The following INPP5D variants were observed in gnomAD, a reference collection of about 807,000 sequenced individuals.
INPP5D encodes the protein inositol polyphosphate-5-phosphatase D, also known as phosphatidylinositol 3,4,5-trisphosphate 5-phosphatase 1.
In INPP5D, 33 loss-of-function variants were observed where a neutral mutation model predicts 122.9. That is an observed-to-expected ratio of 0.27 (90% confidence interval 0.20 to 0.36). INPP5D has a LOEUF of 0.36. INPP5D is among the 10% of genes least tolerant of loss of function. The pLI, the probability that INPP5D is intolerant of heterozygous loss-of-function variation, is 1.00. For synonymous variants in INPP5D, 584 were observed against 576.2 expected (o/e 1.01, Z -0.19); for missense variants, 1,053 against 1,412.7 (o/e 0.75, Z 4.08).
chr2:233,085,041 A>C (rs754026799), intron 2 of INPP5D, among the ~76,000 whole-genome samples: 5 of 152,170 alleles, frequency 3.3e-5, no homozygotes, highest in Non-Finnish European at 7.4e-5. Flanking sequence ...AATTCTTGGA[A>C]CCAACTGTTC....
intron 25 of INPP5D, among the ~76,000 whole-genome samples, chr2:233,200,577 C>A (rs903790583): frequency 3.9e-5 from 6 of 152,254 alleles, no homozygotes; most frequent in Non-Finnish European, 8.8e-5. Flanking sequence ...TCCAGTTCCA[C>A]CCTTCCCAGG....
At chr2:233,185,721 A>T in intron 20 of INPP5D, 122 bp from the exon 21 acceptor site, 1 of 1,156,374 alleles carries the variant, frequency 8.6e-7, no homozygotes. Context: ...AGATAAAAAA[A>T]AAAAAAAAAA....
chr2:233,153,255 C>T (rs917505897), intron 9 of INPP5D, among the ~76,000 whole-genome samples: 1 of 152,182 alleles, frequency 6.6e-6, no homozygotes, highest in African/African-American at 2.4e-5. Flanking sequence ...GGAGACATGG[C>T]CTGATCGTAG....
rs1169275656 is a variant in INPP5D, at chr2:233,128,761, AC to A, written c.525-1744del. ...CCAAAGTGCTGGGATTATAGGCGTG[AC>A]CCACCATGCCTGGCAATTCCTGTCC... On this transcript the variant is annotated intron_variant, in intron 4 of 26. Transcript: ENST00000445964. The surrounding 1 kb of genome is among the most constrained non-coding windows in gnomAD (Gnocchi z 4.5). Among the ~76,000 whole-genome samples the A allele has an allele frequency of 2.6e-5, 4 of 152,286 alleles. No homozygotes were observed. The highest frequency in any genetic ancestry group is 5.9e-5 in the Non-Finnish European group (4 of 68,040).
chr2:233,133,436 A>T (rs10933435), intron 5 of INPP5D, among the ~76,000 whole-genome samples: 10 of 151,862 alleles, frequency 6.6e-5, no homozygotes, highest in African/African-American at 2.2e-4. Context: ...CTCAAGGAAC[A>T]GGAAGTCTGT....
chr2:233,140,094 T>A, intron 6 of INPP5D, 165 bp downstream of exon 6: 1 of 385,648 alleles, frequency 2.6e-6, no homozygotes, highest in Non-Finnish European at 4.6e-6. Flanking sequence ...CCTCAGCCCC[T>A]GCCCTTTCCA....
chr2:233,133,683 G>T (rs1693392116), intron 5 of INPP5D, among the ~76,000 whole-genome samples: 2 of 152,166 alleles, frequency 1.3e-5, no homozygotes, highest in African/African-American at 4.8e-5. Context: ...GTCACTGTAG[G>T]CAGGAGCCAC....
chr2:233,192,333 C>T (rs1695078017), intron 22 of INPP5D, among the ~76,000 whole-genome samples: 1 of 152,186 alleles, frequency 6.6e-6, no homozygotes, highest in Non-Finnish European at 1.5e-5. Flanking sequence ...TTTGTTTCTT[C>T]CGCTTCATAT....
chr2:233,095,417 C>T (rs928733155), intron 2 of INPP5D, among the ~76,000 whole-genome samples: 5 of 152,024 alleles, frequency 3.3e-5, no homozygotes, highest in Non-Finnish European at 5.9e-5. Context: ...CTCAGGAGTT[C>T]GAGACCAGCC....
At position 233,122,121 on chromosome 2, in the gene INPP5D, C is replaced by A. The variant is rs376938749; in HGVS notation, c.213C>A (p.Val71=). Residue 71 remains valine, a synonymous_variant, in exon 3 of 27, where the codon GTC becomes GTA. Transcript: ENST00000445964. The stretch of plus-strand genomic sequence containing the variant: ...TCTGTCCTCAGGCATCCGAAGGCGT[C>A]TCCATGAGGTTCTTCACCAAGCTGG... ...DKFTVQASEG[V]SMRFFTKLDQ... 45 of 1,613,940 alleles carry A rather than the reference C, an allele frequency of 2.8e-5. No individual in the cohort carries two copies. The African/African-American group carries it at 5.6e-4, about 20-fold the overall frequency.
At chr2:233,111,655 G>C (rs1692633625) in intron 2 of INPP5D, among the ~76,000 whole-genome samples, 3 of 152,252 alleles carry the variant, frequency 2.0e-5, no homozygotes, top group Admixed American at 2.0e-4. Flanking sequence ...ACCCATCTCA[G>C]GGGGTACAAT....
chr2:233,137,295 G>A (rs540186930), intron 5 of INPP5D, among the ~76,000 whole-genome samples: 17 of 151,012 alleles, frequency 1.1e-4, no homozygotes, highest in African/African-American at 4.1e-4. Context: ...AAAGATAAAC[G>A]GAAACCATTT....
chr2:233,167,959 C>T (rs1392851210), intron 13 of INPP5D, among the ~76,000 whole-genome samples: 2 of 131,584 alleles, frequency 1.5e-5, no homozygotes, highest in Admixed American at 8.9e-5. Flanking sequence ...AAGCAGAGAT[C>T]GCGCCACTGC....
chr2:233,165,148 A>G (rs1694295121), intron 13 of INPP5D, among the ~76,000 whole-genome samples: 1 of 151,858 alleles, frequency 6.6e-6, no homozygotes, highest in Admixed American at 6.6e-5. Context: ...CGTGCATGTG[A>G]GTGTGTGAGC....
intron 4 of INPP5D, among the ~76,000 whole-genome samples, chr2:233,127,285 T>C (rs1349349495): frequency 1.3e-5 from 2 of 152,168 alleles, no homozygotes; most frequent in African/African-American, 2.4e-5. Context: ...CTAAAACTTC[T>C]GTTCGGAGAT....
intron 2 of INPP5D, among the ~76,000 whole-genome samples, chr2:233,106,534 G>A (rs891150956): frequency 2.6e-5 from 4 of 152,334 alleles, no homozygotes; most frequent in East Asian, 1.9e-4. Context: ...GATTCATCAC[G>A]CTCTAGTGCA....
chr2:233,174,218 A>C (rs1048891923), intron 17 of INPP5D, among the ~76,000 whole-genome samples: 12 of 152,266 alleles, frequency 7.9e-5, no homozygotes, highest in African/African-American at 2.7e-4. Flanking sequence ...TATCATTATC[A>C]AATATTATGT....
In INPP5D at chr2:233,204,833, C is replaced by T. The variant is rs374411309; in HGVS notation, c.3567+116C>T. ...GTGTGTGTGCACGCATGCATATGTG[C>T]GTGCATGTGTGAACGCATGCATGTG... On this transcript the variant is annotated intron_variant, in intron 26 of 26. Coordinates refer to ENST00000445964, the MANE Select transcript of INPP5D (RefSeq NM_001017915.3). The T allele has an allele frequency of 2.1e-3, 2,674 of 1,278,920 alleles. 1 individual carries two copies. Among genetic ancestry groups the T allele is most frequent in the Non-Finnish European group, 2.5e-3 (2,447 of 976,656 alleles). The allele number at this position is 1,278,920 out of a possible 1,614,324, so 79.2% of individuals were successfully genotyped here. A position where few individuals can be genotyped will look rare whatever the true frequency, so the allele number is the denominator to read the frequency against.
rs568206598 is a variant in INPP5D at position 233,149,229 on chromosome 2, G to A, written c.1030+1635G>A. On this transcript the variant is annotated intron_variant, in intron 9 of 26. Coordinates refer to ENST00000445964, the MANE Select transcript of INPP5D (RefSeq NM_001017915.3). ...AGTGATTCTTCTGCCTCAGCTTCCC[G>A]AGTAGCTGGGACTACAGGACCACCA... is the stretch of plus-strand genomic sequence containing the variant. 1.3e-4 allele frequency among the ~76,000 whole-genome samples: 19 copies of A among 150,942 alleles called. 1 individual carries two copies. The highest frequency in any genetic ancestry group is 2.1e-4 in the Non-Finnish European group (14 of 67,856).
Sources: gnomAD v4.1 joint callset for allele counts (sites outside exome capture counted in the v4.1 genomes callset) on GRCh38, gnomAD v4.1.1 for gene constraint, Gnocchi (gnomAD v3.1) non-coding constraint, MANE v1.5 for transcripts, NCBI Gene and HGNC (gene_info 2026-07-23, HGNC 2026-07-21) for gene names.